The following PGCKA1 variants were observed in gnomAD, a reference collection of about 807,000 sequenced individuals.
PGCKA1 encodes the protein PDCD10 and GCKIII kinases-associated protein 1.
At chr4:37,490,247 A>G in the PGCKA1 span, among the ~76,000 whole-genome samples, 1 of 152,186 alleles carries the variant, frequency 6.6e-6, no homozygotes. Context: ...GAGGAACCAT[A>G]GGAATAGATT....
chr4:37,538,672 T>G, the PGCKA1 span, among the ~76,000 whole-genome samples: 3 of 152,208 alleles, frequency 2.0e-5, no homozygotes, highest in Non-Finnish European at 4.4e-5. Context: ...CCTGGAGGTG[T>G]GAATTTGATA....
chr4:37,564,880 GC>G, the PGCKA1 span, among the ~76,000 whole-genome samples: 5 of 151,964 alleles, frequency 3.3e-5, no homozygotes, highest in African/African-American at 1.2e-4. Flanking sequence ...AGGCTGTCAG[GC>G]CCCACTCAGA....
the PGCKA1 span, among the ~76,000 whole-genome samples, chr4:37,562,576 G>A: frequency 2.8e-3 from 434 of 152,290 alleles, 3 homozygotes; most frequent in African/African-American, 9.1e-3. Context: ...ACAGGGCAGT[G>A]GGAGTGCACA....
At chr4:37,537,098 A>T in the PGCKA1 span, among the ~76,000 whole-genome samples, 1 of 152,232 alleles carries the variant, frequency 6.6e-6, no homozygotes, top group Non-Finnish European at 1.5e-5. Context: ...ACCTGTGCCA[A>T]TGTAACATAT....
the PGCKA1 span, among the ~76,000 whole-genome samples, chr4:37,460,105 T>G: frequency 6.6e-6 from 1 of 152,086 alleles, no homozygotes; most frequent in Non-Finnish European, 1.5e-5. Context: ...TCTGCTCCTG[T>G]GTTAGTTTGC....
chr4:37,457,358 G>C, the PGCKA1 span, among the ~76,000 whole-genome samples: 3 of 152,160 alleles, frequency 2.0e-5, no homozygotes, highest in African/African-American at 4.8e-5. Context: ...GTCACAGAGA[G>C]GACTGTATTA....
the PGCKA1 span, among the ~76,000 whole-genome samples, chr4:37,564,649 G>A: frequency 0.36 from 54,123 of 151,766 alleles, 9,843 homozygotes; most frequent in Non-Finnish European, 0.38. Flanking sequence ...TGAGATTACA[G>A]GTGTCTGCCA....
At chr4:37,526,578 T>G in the PGCKA1 span, among the ~76,000 whole-genome samples, 1 of 152,196 alleles carries the variant, frequency 6.6e-6, no homozygotes, top group Admixed American at 6.5e-5. Context: ...CTCATAACGA[T>G]GTTTTGGTCA....
the PGCKA1 span, among the ~76,000 whole-genome samples, chr4:37,493,862 ATAATGATC>A: frequency 6.6e-6 from 1 of 152,336 alleles, no homozygotes; most frequent in Middle Eastern, 3.4e-3. Context: ...TTCACTTAAA[ATAATGATC>A]TCCAGTTCCA....
chr4:37,457,941 G>A, the PGCKA1 span, among the ~76,000 whole-genome samples: 5 of 152,218 alleles, frequency 3.3e-5, no homozygotes, highest in Non-Finnish European at 7.3e-5. Flanking sequence ...ATGCTAGGCA[G>A]CAAAGACAAT....
At chr4:37,488,231 T>G in the PGCKA1 span, among the ~76,000 whole-genome samples, 1 of 152,218 alleles carries the variant, frequency 6.6e-6, no homozygotes, top group African/African-American at 2.4e-5. Context: ...AATGTATTTA[T>G]TTTCCATATG....
At chr4:37,557,262 T>C in the PGCKA1 span, among the ~76,000 whole-genome samples, 1 of 152,264 alleles carries the variant, frequency 6.6e-6, no homozygotes, top group Non-Finnish European at 1.5e-5. Context: ...TTTTTGTTGT[T>C]GTTTTGTTTT....
At chr4:37,557,043 G>A in the PGCKA1 span, among the ~76,000 whole-genome samples, 2,142 of 152,268 alleles carry the variant, frequency 0.014, 111 homozygotes, top group East Asian at 0.14. Flanking sequence ...TCATTATCTC[G>A]ATATACAGTC....
the PGCKA1 span, among the ~76,000 whole-genome samples, chr4:37,500,405 A>C: frequency 2.0e-5 from 3 of 152,156 alleles, no homozygotes; most frequent in Admixed American, 2.0e-4. Flanking sequence ...CAGGTTATTC[A>C]GTTTCCATGT....
the PGCKA1 span, among the ~76,000 whole-genome samples, chr4:37,570,882 G>A: frequency 1.3e-5 from 2 of 152,190 alleles, no homozygotes; most frequent in Middle Eastern, 3.2e-3. Context: ...TGGGAAGGGG[G>A]AACAACAGTC....
the PGCKA1 span, among the ~76,000 whole-genome samples, chr4:37,581,776 G>C: frequency 2.5e-4 from 38 of 152,110 alleles, no homozygotes; most frequent in African/African-American, 8.4e-4. The surrounding 1 kb of genome is among the most constrained non-coding windows in gnomAD (Gnocchi z 4.4). Flanking sequence ...GCCCCCCCAG[G>C]TCCACTGGCT....
the PGCKA1 span, among the ~76,000 whole-genome samples, chr4:37,572,276 C>G: frequency 9.5e-4 from 144 of 151,208 alleles, no homozygotes; most frequent in African/African-American, 3.3e-3. Context: ...CCGTTTTAGC[C>G]GGGATGGTCT....
the PGCKA1 span, among the ~76,000 whole-genome samples, chr4:37,574,624 T>G: frequency 6.6e-6 from 1 of 152,224 alleles, no homozygotes; most frequent in Non-Finnish European, 1.5e-5. Context: ...TATTCTTTAA[T>G]TATTTTTAAA....
the PGCKA1 span, among the ~76,000 whole-genome samples, chr4:37,521,573 TA>T: frequency 3.9e-5 from 6 of 152,206 alleles, no homozygotes; most frequent in African/African-American, 1.4e-4. Context: ...TCTATTTTTT[TA>T]AATGTTTTAA....
Sources: gnomAD v4.1 joint callset for allele counts (sites outside exome capture counted in the v4.1 genomes callset) on GRCh38, gnomAD v4.1.1 for gene constraint, Gnocchi (gnomAD v3.1) non-coding constraint, MANE v1.5 for transcripts, NCBI Gene and HGNC (gene_info 2026-07-23, HGNC 2026-07-21) for gene names.